The following C5AR2 variants were observed in gnomAD, a reference collection of about 807,000 sequenced individuals.
C5AR2 encodes complement C5a receptor 2, also known as C5a anaphylatoxin chemotactic receptor 2.
For synonymous variants in C5AR2, 224 were observed against 216.5 expected, an observed-to-expected ratio of 1.03 and a Z score of -0.30; for missense variants, 458 against 467.5, an observed-to-expected ratio of 0.98 and a Z score of 0.19.
rs58689074 is a variant in C5AR2, at chr19:47,336,421, TTTCTTTCTTTCTTTCCTTCCTTCCTTCC to T, written c.-16+4076_-16+4103del. ...GGTTCAGTTTTTAAATGCTGTACTC[TTTCTTTCTTTCTTTCCTTCCTTCCTTCC>T]TTCCTTCCTTCCTTCCTTCCTTCCT... On this transcript the variant is annotated intron_variant, in intron 1 of 1. Coordinates refer to ENST00000595464, the MANE Select transcript of C5AR2 (RefSeq NM_001271749.2). 3.1e-3 allele frequency among the ~76,000 whole-genome samples: 380 copies of T among 124,286 alleles called. 7 individuals carry two copies. Among genetic ancestry groups the T allele is most frequent in the Non-Finnish European group, 4.6e-3 (277 of 60,454 alleles). 81.5% of individuals were successfully genotyped at this position (124,286 alleles called of 152,430 possible).
Position 47,341,767 on chromosome 19 carries a change from G to A in C5AR2, c.968G>A (p.Ser323Asn), listed in dbSNP as rs150599989. The change falls in exon 2 of 2, where the codon AGC becomes AAC. Residue 323 changes from serine to asparagine, a missense_variant. Physicochemically the swap from Ser to Asn is conservative, Grantham distance 46. Coordinates refer to ENST00000595464, the MANE Select transcript of C5AR2 (RefSeq NM_001271749.2). This position sits in a 1 kb window ranked among gnomAD's most constrained non-coding sequence, Gnocchi z 4.6. ...CAGGGCCAGGACGAAAGTGTGGACAGCAAGAAATCCACCAGCCATGACCTG... is the reference window on the plus strand; with the variant it reads ...CAGGGCCAGGACGAAAGTGTGGACAACAAGAAATCCACCAGCCATGACCTG... ...ESQGQDESVDSKKSTSHDLVS... is the reference protein window; with the variant it reads ...ESQGQDESVDNKKSTSHDLVS... 4 of 1,613,446 alleles carry A rather than the reference G, an allele frequency of 2.5e-6. No homozygotes were observed. The African/African-American group carries it at 5.3e-5, about 22-fold the overall frequency.
chr19:47,333,458 G>A (rs777665459), intron 1 of C5AR2, among the ~76,000 whole-genome samples: 1 of 152,116 alleles, frequency 6.6e-6, no homozygotes, highest in African/African-American at 2.4e-5. Flanking sequence ...TTGGGCTGCT[G>A]TGAACATTCT....
chr19:47,334,735 T>G (rs35256994), intron 1 of C5AR2, among the ~76,000 whole-genome samples: 149,449 of 152,082 alleles, frequency 0.98, 73,447 homozygotes, highest in East Asian at 1. Context: ...CTTTTTTTTT[T>G]TGAGACAGGG....
chr19:47,341,594 C>T lies in C5AR2; in HGVS notation c.795C>T (p.Leu265=). 1 of 1,613,894 alleles carries T rather than the reference C, an allele frequency of 6.2e-7. No homozygotes were observed. The highest frequency in any genetic ancestry group is 2.2e-5 in the East Asian group (1 of 44,892). The change falls in exon 2 of 2, where the codon CTC becomes CTT. Residue 265 remains leucine (L), a synonymous_variant. Coordinates refer to ENST00000595464, the MANE Select transcript of C5AR2 (RefSeq NM_001271749.2). The surrounding 1 kb of genome is among the most constrained non-coding windows in gnomAD (Gnocchi z 4.6). ...CTGTGGCGGCCCCGAACTCCGCACT[C>T]CTGGCCAGGGCCCTGCGGGCTGAAC... ...VLTVAAPNSA[L]LARALRAEPL... is the part of the protein sequence containing the mutation.
intron 1 of C5AR2, among the ~76,000 whole-genome samples, chr19:47,332,591 G>A (rs1052486379): frequency 6.6e-6 from 1 of 152,146 alleles, no homozygotes; most frequent in Non-Finnish European, 1.5e-5. Flanking sequence ...TTGGAGACAG[G>A]TTTTCATTCT....
chr19:47,340,488 C>T (rs997853955), intron 1 of C5AR2, among the ~76,000 whole-genome samples: 11 of 151,778 alleles, frequency 7.2e-5, no homozygotes, highest in African/African-American at 1.2e-4. Context: ...TACAGGTGCC[C>T]GCCACCACAC....
Position 47,341,169 on chromosome 19 carries a change from C to T in C5AR2, c.370C>T (p.Leu124Phe), listed in dbSNP as rs530937092. The change falls in exon 2 of 2, where the codon CTC becomes TTC. Residue 124 changes from leucine to phenylalanine, a missense_variant. Coordinates refer to ENST00000595464, the MANE Select transcript of C5AR2 (RefSeq NM_001271749.2). The surrounding 1 kb of genome is among the most constrained non-coding windows in gnomAD (Gnocchi z 4.6). ...GCTGACCATGTATGCCAGCGTCCTGCTCCTGGCAGCTCTCAGTGCCGACCT... is the reference window on the plus strand; with the variant it reads ...GCTGACCATGTATGCCAGCGTCCTGTTCCTGGCAGCTCTCAGTGCCGACCT... ...ILLTMYASVL[L>F]LAALSADLCF... The T allele has an allele frequency of 6.1e-5, 97 of 1,601,050 alleles. No homozygotes were observed. In the South Asian group the frequency reaches 1.0e-3, roughly 17 times the overall value.
intron 1 of C5AR2, among the ~76,000 whole-genome samples, chr19:47,335,218 C>T (rs1162464441): frequency 6.6e-6 from 1 of 151,864 alleles, no homozygotes; most frequent in Non-Finnish European, 1.5e-5. Context: ...TTCTCCTTAC[C>T]ATTGTTATTG....
At position 47,344,814 on chromosome 19, in the gene C5AR2, C is replaced by A. The variant is rs939277154; in HGVS notation, c.*3001C>A. 5.3e-5 allele frequency: 8 copies of A among 152,104 alleles called. No homozygotes were observed. Among genetic ancestry groups the A allele is most frequent in the African/African-American group, 1.4e-4 (6 of 41,424 alleles). The allele number at this position is 152,104 out of a possible 1,614,324, so 9.4% of individuals were successfully genotyped here. A position where few individuals can be genotyped will look rare whatever the true frequency, so the allele number is the denominator to read the frequency against. ...TTTGAGATGAAGTCTTGCTCTGTCA[C>A]CCAGGCTGGATTGTAGTGGCACGAT... On this transcript the variant is annotated 3_prime_UTR_variant, in exon 2 of 2. Transcript: ENST00000595464.
In C5AR2 at chr19:47,344,330, G is replaced by A. The variant is rs970155985; in HGVS notation, c.*2517G>A. 2 of 152,194 alleles carry A rather than the reference G, an allele frequency of 1.3e-5. No individual in the cohort carries two copies. Among genetic ancestry groups the A allele is most frequent in the African/African-American group, 4.8e-5 (2 of 41,408 alleles). The allele number at this position is 152,194 out of a possible 1,614,324, so 9.4% of individuals were successfully genotyped here. A position where few individuals can be genotyped will look rare whatever the true frequency, so the allele number is the denominator to read the frequency against. On this transcript the variant is annotated 3_prime_UTR_variant, in exon 2 of 2. Coordinates refer to ENST00000595464, the MANE Select transcript of C5AR2 (RefSeq NM_001271749.2). ...TCACTGCACTCTAGCCTAGGTGACG[G>A]AGCGGGACCCTGCCGCTAAATAAAT...
At chr19:47,333,238 C>T (rs2059345960) in intron 1 of C5AR2, among the ~76,000 whole-genome samples, 1 of 152,162 alleles carries the variant, frequency 6.6e-6, no homozygotes, top group Non-Finnish European at 1.5e-5. Flanking sequence ...CTTTTGACCT[C>T]AGGTGATCCA....
At position 47,340,838 on chromosome 19, in the gene C5AR2, C is replaced by T. The variant is rs1407855685; in HGVS notation, c.39C>T (p.Tyr13=). 6.2e-7 allele frequency: 1 copy of T among 1,613,636 alleles called. No homozygotes were observed. Among genetic ancestry groups the T allele is most frequent in the Non-Finnish European group, 8.5e-7 (1 of 1,180,002 alleles). ...CTGTCAGCTACGAGTATGGGGATTA[C>T]AGCGACCTCTCGGACCGCCCTGTGG... ...NDSVSYEYGD[Y]SDLSDRPVDC... The change falls in exon 2 of 2, where the codon TAC becomes TAT. Residue 13 remains tyrosine (Y), a synonymous_variant. Coordinates refer to ENST00000595464, the MANE Select transcript of C5AR2 (RefSeq NM_001271749.2).
Position 47,341,375 on chromosome 19 carries a change from C to T in C5AR2, c.576C>T (p.Gly192=). ...TGCAGTGTGTGGTGGACTACGGCGG[C>T]TCCTCCAGCACCGAGAATGCGGTGA... The part of the protein sequence containing the change: ...ARLQCVVDYG[G]SSSTENAVTA... Residue 192 remains glycine (G), a synonymous_variant, in exon 2 of 2, where the codon GGC becomes GGT. Coordinates refer to ENST00000595464, the MANE Select transcript of C5AR2 (RefSeq NM_001271749.2). This position sits in a 1 kb window ranked among gnomAD's most constrained non-coding sequence, Gnocchi z 4.6. 1 of 1,612,448 alleles carries T rather than the reference C, an allele frequency of 6.2e-7. No homozygotes were observed.
chr19:47,341,938 A>T lies in C5AR2; in HGVS notation c.*125A>T. On this transcript the variant is annotated 3_prime_UTR_variant, in exon 2 of 2. Coordinates refer to ENST00000595464, the MANE Select transcript of C5AR2 (RefSeq NM_001271749.2). This position sits in a 1 kb window ranked among gnomAD's most constrained non-coding sequence, Gnocchi z 4.6. ...TCCTTCCTTCATTCAACAGATATCC[A>T]TCATGCACTTGCTATGTGCAAGGCC... The T allele has an allele frequency of 3.2e-6, 3 of 947,474 alleles. No individual in the cohort carries two copies. The highest frequency in any genetic ancestry group is 4.8e-6 in the Non-Finnish European group (3 of 628,378). 58.7% of individuals were successfully genotyped at this position (947,474 alleles called of 1,614,324 possible). A position where few individuals can be genotyped will look rare whatever the true frequency, so the allele number is the denominator to read the frequency against.
Position 47,347,027 on chromosome 19 carries a change from A to G in C5AR2, c.*5214A>G, listed in dbSNP as rs1187825263. On this transcript the variant is annotated 3_prime_UTR_variant, in exon 2 of 2. Coordinates refer to ENST00000595464, the MANE Select transcript of C5AR2 (RefSeq NM_001271749.2). ...GGAATACATTTCACGGGAATTTTCA[A>G]ATTTAAGTCTGTGCAATGTTACATA... 6.6e-6 allele frequency: 1 copy of G among 152,210 alleles called. No individual in the cohort carries two copies. The highest frequency in any genetic ancestry group is 2.4e-5 in the African/African-American group (1 of 41,442). 9.4% of individuals were successfully genotyped at this position (152,210 alleles called of 1,614,324 possible). A position where few individuals can be genotyped will look rare whatever the true frequency, so the allele number is the denominator to read the frequency against.
intron 1 of C5AR2, among the ~76,000 whole-genome samples, chr19:47,334,888 A>ATT (rs1568667475): frequency 2.4e-4 from 1 of 4,140 alleles, no homozygotes; most frequent in African/African-American, 4.9e-4. Context: ...AGCCAAATCC[A>ATT]ATTTTTTTTT....
At chr19:47,335,787 AAAAAAAAAAAAAAAAG>A (rs1346024878) in intron 1 of C5AR2, among the ~76,000 whole-genome samples, 2 of 139,926 alleles carry the variant, frequency 1.4e-5, no homozygotes, top group African/African-American at 2.7e-5. Context: ...AAAAAAAAAA[AAAAAAAAAAAAAAAAG>A]AAAGTTTTCG....
chr19:47,332,466 T>G (rs984781789), intron 1 of C5AR2, 117 bp downstream of exon 1: 1 of 152,212 alleles, frequency 6.6e-6, no homozygotes, highest in Non-Finnish European at 1.5e-5. Context: ...AGAAGTGCAG[T>G]CTTATTACAG....
At chr19:47,334,903 G>C (rs1273014454) in intron 1 of C5AR2, among the ~76,000 whole-genome samples, 2 of 145,410 alleles carry the variant, frequency 1.4e-5, no homozygotes, top group Non-Finnish European at 3.0e-5. Flanking sequence ...TTTTTTTTTT[G>C]AGATGGAGTC....
Sources: allele counts gnomAD v4.1 joint callset (sites outside exome capture counted in the v4.1 genomes callset), GRCh38; gene constraint gnomAD v4.1.1; non-coding constraint Gnocchi (gnomAD v3.1); transcripts MANE v1.5; gene names NCBI Gene and HGNC (gene_info 2026-07-23, HGNC 2026-07-21).